Variants in KDM4C observed in about 807,000 individuals in gnomAD.
The protein encoded by KDM4C is lysine demethylase 4C.
A neutral mutation model predicts 129.3 loss-of-function variants in KDM4C; 81 were observed. The ratio of observed to expected loss-of-function variants is 0.63; its 90% CI spans 0.52 to 0.75. The LOEUF is 0.75. Among genes scored for constraint, KDM4C ranks in the 30% least tolerant of loss-of-function variants. The pLI, the probability that KDM4C is intolerant of heterozygous loss-of-function variation, is 0.00. For synonymous variants in KDM4C, 573 were observed against 456.1 expected (o/e 1.26, Z -3.26); for missense variants, 1,457 against 1,304.0 (o/e 1.12, Z -1.81).
chr9:6,885,612 A>T (rs1165843458), intron 6 of KDM4C, among the ~76,000 whole-genome samples: 2 of 94,460 alleles, frequency 2.1e-5, no homozygotes, highest in East Asian at 7.5e-4. Flanking sequence ...ATAATATCTT[A>T]AAAAAGACAA....
chr9:7,112,964 C>T (rs1179845388), intron 18 of KDM4C, among the ~76,000 whole-genome samples: 1 of 152,048 alleles, frequency 6.6e-6, no homozygotes, highest in African/African-American at 2.4e-5. Flanking sequence ...TTTGTTTTGA[C>T]CAGCTATACT....
At chr9:7,128,484 C>T (rs1217130379) in intron 19 of KDM4C, among the ~76,000 whole-genome samples, 1 of 152,128 alleles carries the variant, frequency 6.6e-6, no homozygotes, top group Non-Finnish European at 1.5e-5. Flanking sequence ...CTTAAAGGTC[C>T]ACCTGTTAAT....
intron 1 of KDM4C, among the ~76,000 whole-genome samples, chr9:6,790,147 G>C (rs13292390): frequency 6.7e-6 from 1 of 150,126 alleles, no homozygotes. Flanking sequence ...GGTGTGATCC[G>C]CTCGCCTTGG....
intron 8 of KDM4C, among the ~76,000 whole-genome samples, chr9:6,902,287 A>T (rs1334130062): frequency 1.3e-5 from 2 of 152,218 alleles, no homozygotes; most frequent in Non-Finnish European, 2.9e-5. Context: ...CATGCCCAGT[A>T]GTACTTTTAA....
intron 15 of KDM4C, among the ~76,000 whole-genome samples, chr9:7,033,536 C>T (rs986153333): frequency 6.6e-6 from 1 of 152,184 alleles, no homozygotes; most frequent in African/African-American, 2.4e-5. Flanking sequence ...AAGAGGATAT[C>T]AGTTATCCTG....
rs140093168 is a variant in KDM4C at position 6,842,385 on chromosome 9, C to T, written c.436-7122C>T. On this transcript the variant is annotated intron_variant, in intron 4 of 21. Coordinates refer to ENST00000381309, the MANE Select transcript of KDM4C (RefSeq NM_015061.6). ...AGGCTGGAATGCAGTGGCATGCGAT[C>T]ATGGCTCACTGCAACCTCGGCTCAC... Among the ~76,000 whole-genome samples, 300 of 136,956 alleles carry T rather than the reference C, an allele frequency of 2.2e-3. 3 individuals carry two copies. Among genetic ancestry groups the T allele is most frequent in the African/African-American group, 6.7e-3 (243 of 36,300 alleles). 89.8% of individuals were successfully genotyped at this position (136,956 alleles called of 152,430 possible).
chr9:7,017,391 C>A (rs7853037), intron 15 of KDM4C, among the ~76,000 whole-genome samples: 59,062 of 151,892 alleles, frequency 0.39, 11,709 homozygotes, highest in South Asian at 0.52. Context: ...ATTTAGAGAC[C>A]AAGAATTGAC....
chr9:6,758,192 C>A lies in KDM4C; in HGVS notation c.-29C>A, dbSNP rs980188160. On this transcript the variant is annotated 5_prime_UTR_variant, in exon 1 of 22. Transcript: ENST00000381309. This position sits in a 1 kb window ranked among gnomAD's most constrained non-coding sequence, Gnocchi z 4.6. ...CCACCGAGTCGTGCTCTCGCCCCAACCCGCGCGCCAGGTAACCGCTTTTCC... is the reference window on the plus strand; with the variant it reads ...CCACCGAGTCGTGCTCTCGCCCCAAACCGCGCGCCAGGTAACCGCTTTTCC... 2 of 985,936 alleles carry A rather than the reference C, an allele frequency of 2.0e-6. No individual in the cohort carries two copies. The highest frequency in any genetic ancestry group is 4.7e-5 in the South Asian group (1 of 21,302). 61.1% of individuals were successfully genotyped at this position (985,936 alleles called of 1,614,324 possible). A position where few individuals can be genotyped will look rare whatever the true frequency, so the allele number is the denominator to read the frequency against.
upstream of KDM4C, among the ~76,000 whole-genome samples, chr9:6,756,716 C>G (rs1818310863): frequency 6.6e-6 from 1 of 152,056 alleles, no homozygotes; most frequent in South Asian, 2.1e-4. Flanking sequence ...GACTCCGTCT[C>G]AAAAAAGAGT....
intron 1 of KDM4C, among the ~76,000 whole-genome samples, chr9:6,721,923 T>G (rs888476828): frequency 1.3e-5 from 2 of 152,172 alleles, no homozygotes; most frequent in Non-Finnish European, 2.9e-5. Context: ...GGTCTCACTA[T>G]GCTGCCCAGG....
intron 12 of KDM4C, among the ~76,000 whole-genome samples, chr9:6,996,466 T>G (rs1033096031): frequency 6.6e-6 from 1 of 152,234 alleles, no homozygotes; most frequent in Non-Finnish European, 1.5e-5. Context: ...ATGGAAAAAT[T>G]GTTTTCAATA....
At chr9:6,782,582 T>C (rs1824600196) in intron 1 of KDM4C, among the ~76,000 whole-genome samples, 4 of 152,122 alleles carry the variant, frequency 2.6e-5, no homozygotes, top group Admixed American at 2.0e-4. Flanking sequence ...TATGTCTATA[T>C]ATAGCACAGC....
At chr9:6,946,711 T>A (rs1401832092) in intron 8 of KDM4C, among the ~76,000 whole-genome samples, 1 of 152,164 alleles carries the variant, frequency 6.6e-6, no homozygotes, top group African/African-American at 2.4e-5. Context: ...ATAATCAGTA[T>A]GTCACTCATG....
intron 19 of KDM4C, among the ~76,000 whole-genome samples, chr9:7,164,219 C>G (rs1442963094): frequency 6.6e-6 from 1 of 152,112 alleles, no homozygotes; most frequent in Non-Finnish European, 1.5e-5. Flanking sequence ...TTACCATAGT[C>G]AAGTATTTAA....
At position 7,083,426 on chromosome 9, in the gene KDM4C, G is replaced by A. The variant is rs573863298; in HGVS notation, c.2425-20259G>A. Among the ~76,000 whole-genome samples, 23 of 152,290 alleles carry A rather than the reference G, an allele frequency of 1.5e-4. No homozygotes were observed. In the South Asian group the frequency reaches 4.1e-3, roughly 27 times the overall value. Reference sequence around the variant, plus strand: ...TGCATTCTGAGAAGTGCATCATTACGCAGTTTTGTCTGTGTGCAAACATAG... The same window carrying A: ...TGCATTCTGAGAAGTGCATCATTACACAGTTTTGTCTGTGTGCAAACATAG... On this transcript the variant is annotated intron_variant, in intron 17 of 21. Transcript: ENST00000381309.
chr9:6,950,275 T>C (rs1213759947), intron 8 of KDM4C, among the ~76,000 whole-genome samples: 4 of 152,198 alleles, frequency 2.6e-5, no homozygotes, highest in Non-Finnish European at 5.9e-5. Context: ...CTATAGTTCA[T>C]TATGATTTTT....
At chr9:6,760,102 T>G (rs1336461871) in intron 1 of KDM4C, among the ~76,000 whole-genome samples, 1 of 152,114 alleles carries the variant, frequency 6.6e-6, no homozygotes, top group East Asian at 1.9e-4. Flanking sequence ...ATTGCCTAGT[T>G]CCCTCCAATT....
chr9:6,730,753 A>G (rs575724795), intron 1 of KDM4C, among the ~76,000 whole-genome samples: 4 of 152,298 alleles, frequency 2.6e-5, no homozygotes, highest in African/African-American at 9.6e-5. Context: ...TACAGACAAA[A>G]AAGAGAAGTG....
intron 1 of KDM4C, chr9:6,734,907 T>C (rs1817473459): frequency 1.8e-6 from 1 of 569,632 alleles, no homozygotes; most frequent in African/African-American, 1.9e-5. Context: ...TAGTCCCCAG[T>C]CTGTGCTAAG....
Sources: gnomAD v4.1 joint callset for allele counts (sites outside exome capture counted in the v4.1 genomes callset) on GRCh38, gnomAD v4.1.1 for gene constraint, Gnocchi (gnomAD v3.1) non-coding constraint, MANE v1.5 for transcripts, NCBI Gene and HGNC (gene_info 2026-07-23, HGNC 2026-07-21) for gene names.